PGCKA1: variants seen among roughly 807,000 people sequenced by gnomAD.
PGCKA1 encodes PDCD10 and GCKIII kinases-associated protein 1.
chr4:37,562,686 C>T, the PGCKA1 span, among the ~76,000 whole-genome samples: 4 of 152,184 alleles, frequency 2.6e-5, no homozygotes, highest in Non-Finnish European at 5.9e-5. Context: ...CTCCGGAGCT[C>T]CTTGTCCTAT....
chr4:37,544,839 G>GT, the PGCKA1 span, among the ~76,000 whole-genome samples: 102 of 147,696 alleles, frequency 6.9e-4, no homozygotes, highest in South Asian at 3.9e-3. Context: ...GTTCTTTTTT[G>GT]TTTTTTTTTC....
At chr4:37,513,240 G>A in the PGCKA1 span, among the ~76,000 whole-genome samples, 2 of 152,134 alleles carry the variant, frequency 1.3e-5, no homozygotes, top group Admixed American at 1.3e-4. Context: ...TAATTCCAAA[G>A]CCTGCTCTAC....
At chr4:37,508,758 T>A in the PGCKA1 span, among the ~76,000 whole-genome samples, 3 of 147,944 alleles carry the variant, frequency 2.0e-5, no homozygotes, top group South Asian at 6.7e-4. Context: ...AGGACAATAG[T>A]GGAGGGAAGG....
chr4:37,571,355 C>CTTTTTT, the PGCKA1 span, among the ~76,000 whole-genome samples: 5 of 78,074 alleles, frequency 6.4e-5, no homozygotes, highest in Non-Finnish European at 1.1e-4. Context: ...GACTATTATC[C>CTTTTTT]TTTTTTTTTT....
At chr4:37,568,212 G>C in the PGCKA1 span, among the ~76,000 whole-genome samples, 1 of 152,228 alleles carries the variant, frequency 6.6e-6, no homozygotes, top group South Asian at 2.1e-4. Context: ...AGAGGGTTCA[G>C]GGCCACCTGT....
chr4:37,515,219 T>G, the PGCKA1 span, among the ~76,000 whole-genome samples: 2 of 152,244 alleles, frequency 1.3e-5, no homozygotes, highest in East Asian at 3.9e-4. Flanking sequence ...AAGACAGTGG[T>G]CTGAAACCTG....
At chr4:37,489,317 T>C in the PGCKA1 span, among the ~76,000 whole-genome samples, 1 of 152,126 alleles carries the variant, frequency 6.6e-6, no homozygotes, top group Non-Finnish European at 1.5e-5. Context: ...ACTAAATTCT[T>C]ATGTATGCTA....
the PGCKA1 span, chr4:37,590,365 G>A: frequency 1.2e-6 from 2 of 1,613,648 alleles, no homozygotes; most frequent in Non-Finnish European, 1.7e-6. Flanking sequence ...CATCGGCCCT[G>A]CTGCCACTCC....
the PGCKA1 span, among the ~76,000 whole-genome samples, chr4:37,574,112 T>C: frequency 0.25 from 37,300 of 151,562 alleles, 4,646 homozygotes; most frequent in South Asian, 0.34. Context: ...CGCTTGAACC[T>C]GGGAGGCGGA....
the PGCKA1 span, among the ~76,000 whole-genome samples, chr4:37,543,891 T>TGTTCAAG: frequency 6.6e-6 from 1 of 152,110 alleles, no homozygotes; most frequent in African/African-American, 2.4e-5. Flanking sequence ...GAACAAGCTG[T>TGTTCAAG]GCCCTCTCTT....
chr4:37,463,170 A>G, the PGCKA1 span, among the ~76,000 whole-genome samples: 2 of 151,988 alleles, frequency 1.3e-5, no homozygotes, highest in African/African-American at 4.8e-5. Flanking sequence ...TTTTCACTCA[A>G]CCACTTCAGA....
the PGCKA1 span, among the ~76,000 whole-genome samples, chr4:37,471,790 CA>C: frequency 1.3e-5 from 2 of 151,840 alleles, no homozygotes; most frequent in South Asian, 2.1e-4. Flanking sequence ...AAAAGTTGGC[CA>C]GGGGAAAAGG....
chr4:37,458,463 C>T, the PGCKA1 span, among the ~76,000 whole-genome samples: 8 of 139,664 alleles, frequency 5.7e-5, no homozygotes, highest in African/African-American at 1.8e-4. Flanking sequence ...TTTGGGTGGG[C>T]TTGGGTGGGC....
chr4:37,522,488 A>G, the PGCKA1 span, among the ~76,000 whole-genome samples: 1 of 152,094 alleles, frequency 6.6e-6, no homozygotes, highest in Non-Finnish European at 1.5e-5. Flanking sequence ...GGACTCTGGT[A>G]TGGCCCCGCA....
At chr4:37,560,293 T>C in the PGCKA1 span, among the ~76,000 whole-genome samples, 2 of 152,314 alleles carry the variant, frequency 1.3e-5, no homozygotes, top group East Asian at 3.9e-4. Context: ...TTAGCCAACC[T>C]CTTGGCCACA....
At chr4:37,485,554 A>C in the PGCKA1 span, among the ~76,000 whole-genome samples, 1 of 152,240 alleles carries the variant, frequency 6.6e-6, no homozygotes, top group South Asian at 2.1e-4. Context: ...TTAAGAAATA[A>C]ATCTCTGGTC....
the PGCKA1 span, among the ~76,000 whole-genome samples, chr4:37,561,407 G>T: frequency 7.8e-4 from 119 of 152,350 alleles, 5 homozygotes; most frequent in East Asian, 0.021. Context: ...AAAGTGAAAG[G>T]TGATATGAGG....
At chr4:37,548,679 A>C in the PGCKA1 span, among the ~76,000 whole-genome samples, 1 of 152,260 alleles carries the variant, frequency 6.6e-6, no homozygotes, top group Non-Finnish European at 1.5e-5. Context: ...TTTATCTGGT[A>C]TAAAAATCAT....
At chr4:37,505,195 CTGTTGATATGA>C in the PGCKA1 span, among the ~76,000 whole-genome samples, 1 of 152,314 alleles carries the variant, frequency 6.6e-6, no homozygotes, top group African/African-American at 2.4e-5. Flanking sequence ...GTCCTTCGTT[CTGTTGATATGA>C]TGTATCACAT....
Sources: allele counts gnomAD v4.1 joint callset (sites outside exome capture counted in the v4.1 genomes callset), GRCh38; gene constraint gnomAD v4.1.1; transcripts MANE v1.5; gene names NCBI Gene and HGNC (gene_info 2026-07-23, HGNC 2026-07-21).